The following PPP1R12B variants were observed in gnomAD, a reference collection of about 807,000 sequenced individuals.
The protein encoded by PPP1R12B is protein phosphatase 1 regulatory subunit 12B, also known as myosin phosphatase target subunit 2.
PPP1R12B carries 76 observed loss-of-function variants against 126.1 expected under a neutral mutation model. The ratio of observed to expected loss-of-function variants is 0.60; its 90% CI spans 0.50 to 0.73. PPP1R12B has a LOEUF of 0.73. PPP1R12B is among the 30% of genes least tolerant of loss of function. The probability of loss-of-function intolerance (pLI) is 0.00; values close to 1 mark genes in which losing one functional copy is unlikely to be tolerated. For missense variants in PPP1R12B, 1,052 were observed against 1,205.1 expected, an observed-to-expected ratio of 0.87 and a Z score of 1.88; for synonymous variants, 356 against 434.7, an observed-to-expected ratio of 0.82 and a Z score of 2.25.
Position 202,585,927 on chromosome 1 carries a change from A to C in PPP1R12B, c.*5367A>C, listed in dbSNP as rs1689786927. 6.6e-6 allele frequency: 1 copy of C among 152,172 alleles called. No homozygotes were observed. The highest frequency in any genetic ancestry group is 2.4e-5 in the African/African-American group (1 of 41,426). 9.4% of individuals were successfully genotyped at this position (152,172 alleles called of 1,614,324 possible). A position where few individuals can be genotyped will look rare whatever the true frequency, so the allele number is the denominator to read the frequency against. On this transcript the variant is annotated 3_prime_UTR_variant, in exon 24 of 24. Coordinates refer to ENST00000608999, the MANE Select transcript of PPP1R12B (RefSeq NM_002481.4). ...CAACCACCTTTCCTCAGCTTTCTTA[A>C]AATGGGATCTACATTGGCTCTTCAC...
intron 1 of PPP1R12B, among the ~76,000 whole-genome samples, chr1:202,371,858 C>CTTTTTTTT (rs1193939057): frequency 1.3e-5 from 1 of 75,342 alleles, no homozygotes; most frequent in East Asian, 4.4e-4. Context: ...ATTATAGTTT[C>CTTTTTTTT]TTTTTTTTTT....
intron 19 of PPP1R12B, 92 bp from the exon 20 acceptor site, chr1:202,562,685 CT>C: frequency 7.2e-7 from 1 of 1,386,982 alleles, no homozygotes; most frequent in Non-Finnish European, 1.0e-6. Context: ...CGAAATACTT[CT>C]TAGAAAAGGC....
chr1:202,350,334 C>T (rs1321868612), intron 1 of PPP1R12B, among the ~76,000 whole-genome samples: 1 of 152,100 alleles, frequency 6.6e-6, no homozygotes, highest in Non-Finnish European at 1.5e-5. Flanking sequence ...TGTCTTACCC[C>T]ATGTGAGTTT....
intron 1 of PPP1R12B, among the ~76,000 whole-genome samples, chr1:202,376,182 A>C (rs1661150621): frequency 6.6e-6 from 1 of 152,196 alleles, no homozygotes; most frequent in Admixed American, 6.5e-5. Context: ...TTGCTTAAAA[A>C]TATTTGATTT....
chr1:202,377,705 C>T (rs1661426018), intron 1 of PPP1R12B, among the ~76,000 whole-genome samples: 1 of 151,776 alleles, frequency 6.6e-6, no homozygotes, highest in Non-Finnish European at 1.5e-5. Context: ...TTATTAGCCT[C>T]TAGGGCAATA....
At chr1:202,549,420 CTTTT>C (rs1405753070) in intron 18 of PPP1R12B, among the ~76,000 whole-genome samples, 1 of 140,048 alleles carries the variant, frequency 7.1e-6, no homozygotes, top group Non-Finnish European at 1.6e-5. Flanking sequence ...AATCAATTAC[CTTTT>C]TTTTTTTTTT....
intron 1 of PPP1R12B, among the ~76,000 whole-genome samples, chr1:202,400,540 A>G (rs528826700): frequency 6.6e-6 from 1 of 152,362 alleles, no homozygotes; most frequent in African/African-American, 2.4e-5. Context: ...AGAAGCTCTA[A>G]GCAGGAAAAT....
intron 13 of PPP1R12B, among the ~76,000 whole-genome samples, chr1:202,461,908 G>C (rs1043395772): frequency 5.9e-5 from 9 of 152,104 alleles, no homozygotes; most frequent in African/African-American, 2.2e-4. Context: ...GTTGACCCTT[G>C]CAGGAAAGTT....
intron 7 of PPP1R12B, among the ~76,000 whole-genome samples, 176 bp downstream of exon 7, chr1:202,430,986 G>A (rs1042014281): frequency 2.6e-5 from 4 of 152,206 alleles, no homozygotes; most frequent in Admixed American, 6.5e-5. Flanking sequence ...TGATATGTGA[G>A]GGAGACACTA....
chr1:202,438,613 C>T (rs559036655), intron 10 of PPP1R12B: 128 of 497,856 alleles, frequency 2.6e-4, no homozygotes, highest in African/African-American at 2.0e-3. Context: ...TGCCATGGAG[C>T]CTGAGCCCGC....
chr1:202,537,070 C>T (rs1270737682), intron 18 of PPP1R12B, among the ~76,000 whole-genome samples: 3 of 152,094 alleles, frequency 2.0e-5, no homozygotes, highest in East Asian at 1.9e-4. Context: ...CAGGTTAGGC[C>T]GGGCATAGTG....
At chr1:202,358,877 T>C (rs1657620679) in intron 1 of PPP1R12B, among the ~76,000 whole-genome samples, 1 of 152,242 alleles carries the variant, frequency 6.6e-6, no homozygotes. Context: ...AATGCAAATT[T>C]GGGGAATATT....
At chr1:202,479,820 G>A (rs1164269687) in intron 13 of PPP1R12B, among the ~76,000 whole-genome samples, 1 of 152,190 alleles carries the variant, frequency 6.6e-6, no homozygotes, top group Non-Finnish European at 1.5e-5. Context: ...AGGACCTCTG[G>A]TGGTGTGGTA....
chr1:202,397,082 A>G (rs1435211949), intron 1 of PPP1R12B, among the ~76,000 whole-genome samples: 1 of 151,996 alleles, frequency 6.6e-6, no homozygotes, highest in Non-Finnish European at 1.5e-5. Flanking sequence ...CCTGGCTTCC[A>G]TCTATCACTC....
chr1:202,494,556 G>T (rs1322210364), intron 15 of PPP1R12B, among the ~76,000 whole-genome samples: 1 of 149,310 alleles, frequency 6.7e-6, no homozygotes, highest in Non-Finnish European at 1.5e-5. Context: ...TTATTGTTAG[G>T]CTCTATCTGT....
intron 1 of PPP1R12B, among the ~76,000 whole-genome samples, chr1:202,394,758 A>G (rs2148536689): frequency 6.6e-6 from 1 of 152,132 alleles, no homozygotes; most frequent in East Asian, 1.9e-4. Flanking sequence ...CTGTCTCAGA[A>G]AAAAAAAGGA....
At chr1:202,579,883 A>G (rs1376512169) in intron 23 of PPP1R12B, among the ~76,000 whole-genome samples, 1 of 152,190 alleles carries the variant, frequency 6.6e-6, no homozygotes, top group Non-Finnish European at 1.5e-5. Flanking sequence ...TTGAAAGTGG[A>G]TATGTATAGT....
At chr1:202,363,419 G>A (rs1302205188) in intron 1 of PPP1R12B, among the ~76,000 whole-genome samples, 1 of 152,160 alleles carries the variant, frequency 6.6e-6, no homozygotes, top group Non-Finnish European at 1.5e-5. Context: ...ATTTACCTTT[G>A]TATGTTTTAA....
At chr1:202,482,808 A>T (rs955586900) in intron 13 of PPP1R12B, among the ~76,000 whole-genome samples, 2 of 152,320 alleles carry the variant, frequency 1.3e-5, no homozygotes, top group African/African-American at 4.8e-5. Flanking sequence ...TATTTAAAAT[A>T]TCCTAGCTTA....
Sources: gnomAD v4.1 joint callset for allele counts (sites outside exome capture counted in the v4.1 genomes callset) on GRCh38, gnomAD v4.1.1 for gene constraint, MANE v1.5 for transcripts, NCBI Gene and HGNC (gene_info 2026-07-23, HGNC 2026-07-21) for gene names.